The following NINL variants were observed in gnomAD, a reference collection of about 807,000 sequenced individuals.
NINL encodes the protein ninein like, also known as ninein-like protein.
Under a neutral mutation model 160.3 loss-of-function variants are expected in NINL, and 153 were observed. That is an observed-to-expected ratio of 0.95 (90% confidence interval 0.84 to 1.09). The LOEUF is 1.09. Ranked by LOEUF, NINL falls within the 50% of genes least tolerant of loss-of-function variation. The probability of loss-of-function intolerance (pLI) is 0.00; values close to 1 mark genes in which losing one functional copy is unlikely to be tolerated. For synonymous variants in NINL, 800 were observed against 734.8 expected, an observed-to-expected ratio of 1.09 and a Z score of -1.43; for missense variants, 1,829 against 1,764.0, an observed-to-expected ratio of 1.04 and a Z score of -0.66.
At chr20:25,500,636 T>A (rs1221440128) in intron 8 of NINL, among the ~76,000 whole-genome samples, 9 of 152,238 alleles carry the variant, frequency 5.9e-5, no homozygotes, top group South Asian at 4.1e-4. Flanking sequence ...TTATTTCTTA[T>A]CTTTTTAAAT....
chr20:25,502,841 C>T (rs965399425), intron 7 of NINL, among the ~76,000 whole-genome samples: 1 of 152,194 alleles, frequency 6.6e-6, no homozygotes, highest in Non-Finnish European at 1.5e-5. Context: ...CCAGAAGCAG[C>T]CGAGCAGACA....
intron 1 of NINL, chr20:25,540,064 C>A (rs970872515): frequency 1.3e-5 from 17 of 1,286,178 alleles, no homozygotes; most frequent in Non-Finnish European, 1.7e-5. Flanking sequence ...TTCATGCAAA[C>A]TGAATTATTA....
intron 1 of NINL, among the ~76,000 whole-genome samples, chr20:25,546,641 C>T (rs6050675): frequency 6.6e-6 from 1 of 152,032 alleles, no homozygotes; most frequent in Admixed American, 6.6e-5. Flanking sequence ...AAAATCAGTA[C>T]TGAAACAACC....
intron 19 of NINL, among the ~76,000 whole-genome samples, chr20:25,465,579 T>A (rs1003493200): frequency 1.3e-5 from 2 of 151,152 alleles, no homozygotes; most frequent in African/African-American, 4.9e-5. Flanking sequence ...GCAGAAGGGG[T>A]CCCCGACGAC....
In NINL at chr20:25,476,461, G is replaced by C; in HGVS notation, c.2830C>G (p.Leu944Val). 2 of 1,607,578 alleles carry C rather than the reference G, an allele frequency of 1.2e-6. No individual in the cohort carries two copies. The highest frequency in any genetic ancestry group is 1.7e-6 in the Non-Finnish European group (2 of 1,179,868). The change falls in exon 17 of 24, where the codon CTG becomes GTG. Residue 944 changes from leucine (L) to valine (V), a missense_variant. By Grantham distance (32) the Leu-to-Val change is conservative. Coordinates refer to ENST00000278886, the MANE Select transcript of NINL (RefSeq NM_025176.6). ...EQPGARELPL[L>V]GTERDASQTQ... Reference sequence around the variant, plus strand: ...TGCGAGGCGTCTCTCTCTGTTCCCAGCAGAGGCAGCTCCCGGGCTCCAGGC... The same window carrying C: ...TGCGAGGCGTCTCTCTCTGTTCCCACCAGAGGCAGCTCCCGGGCTCCAGGC...
rs144205809 is a variant in NINL at position 25,489,939 on chromosome 20, A to C, written c.1532T>G (p.Leu511Arg). 8.1e-5 allele frequency: 130 copies of C among 1,614,034 alleles called. No individual in the cohort carries two copies. Among genetic ancestry groups the C allele is most frequent in the Non-Finnish European group, 1.0e-4 (121 of 1,180,028 alleles). Reference sequence around the variant, plus strand: ...CAGGGCCAGCCTCTCCGAATCCGAAAGCTTTTCCACCACTTCCACAATCTC... The same window carrying C: ...CAGGGCCAGCCTCTCCGAATCCGAACGCTTTTCCACCACTTCCACAATCTC... The part of the protein sequence containing the change: ...QKEIVEVVEK[L>R]SDSERLALKL... Residue 511 changes from leucine to arginine, a missense_variant, in exon 12 of 24, where the codon CTT (leucine) becomes CGT (arginine). Transcript: ENST00000278886.
At chr20:25,459,895 G>A (rs927916755) in intron 21 of NINL, among the ~76,000 whole-genome samples, 3 of 152,154 alleles carry the variant, frequency 2.0e-5, no homozygotes, top group African/African-American at 4.8e-5. Flanking sequence ...AGGGAAAGAC[G>A]TCCCCAGGGG....
At chr20:25,570,071 T>C (rs1005471143) in intron 1 of NINL, among the ~76,000 whole-genome samples, 2 of 150,764 alleles carry the variant, frequency 1.3e-5, no homozygotes, top group African/African-American at 2.4e-5. Context: ...TCCCAGCTAC[T>C]TGGGAGGCTG....
intron 13 of NINL, among the ~76,000 whole-genome samples, chr20:25,483,349 G>T (rs551209411): frequency 1.4e-5 from 2 of 147,962 alleles, no homozygotes; most frequent in South Asian, 4.3e-4. Context: ...AAAAAAAAAA[G>T]AAAAGAAAAG....
At chr20:25,541,149 G>A (rs182857475) in intron 1 of NINL, among the ~76,000 whole-genome samples, 129 of 152,234 alleles carry the variant, frequency 8.5e-4, no homozygotes, top group African/African-American at 3.0e-3. Context: ...ACCTATCAAC[G>A]CCAGACTCTG....
Position 25,544,155 on chromosome 20 carries a change from A to G in NINL, c.-11-17557T>C, listed in dbSNP as rs546949458. Reference sequence around the variant, plus strand: ...CCCACACTCACCTAGCCTCACTCACACATATTCTCACTTCTGTTCACTGCC... The same window carrying G: ...CCCACACTCACCTAGCCTCACTCACGCATATTCTCACTTCTGTTCACTGCC... On this transcript the variant is annotated intron_variant, in intron 1 of 23. Coordinates refer to ENST00000278886, the MANE Select transcript of NINL (RefSeq NM_025176.6). Among the ~76,000 whole-genome samples the G allele has an allele frequency of 1.3e-4, 19 of 143,964 alleles. No individual in the cohort carries two copies. In the Middle Eastern group the frequency reaches 0.011, roughly 80 times the overall value. The allele number at this position is 143,964 out of a possible 152,430, so 94.4% of individuals were successfully genotyped here. A position where few individuals can be genotyped will look rare whatever the true frequency, so the allele number is the denominator to read the frequency against.
chr20:25,490,669 C>T (rs897235118), intron 11 of NINL, among the ~76,000 whole-genome samples: 1 of 151,898 alleles, frequency 6.6e-6, no homozygotes, highest in African/African-American at 2.4e-5. Context: ...GATCAGATAT[C>T]GTACCAGGAC....
At chr20:25,517,640 G>A in intron 3 of NINL, 113 bp downstream of exon 3, 1 of 774,024 alleles carries the variant, frequency 1.3e-6, no homozygotes, top group Non-Finnish European at 2.1e-6. Flanking sequence ...GGGGGTGACA[G>A]AAAGTAAGGT....
chr20:25,584,592 C>T (rs371646504), intron 1 of NINL, among the ~76,000 whole-genome samples: 3 of 152,336 alleles, frequency 2.0e-5, no homozygotes, highest in African/African-American at 7.2e-5. Context: ...TACTCATGAC[C>T]CCTCTTACTA....
intron 1 of NINL, among the ~76,000 whole-genome samples, chr20:25,577,849 T>C (rs916964881): frequency 1.6e-4 from 17 of 109,458 alleles, no homozygotes; most frequent in Non-Finnish European, 3.1e-4. Flanking sequence ...TTTTTTTTTT[T>C]GAGATGGAGT....
intron 9 of NINL, among the ~76,000 whole-genome samples, chr20:25,497,971 G>T (rs116679575): frequency 6.6e-6 from 1 of 152,206 alleles, no homozygotes; most frequent in Non-Finnish European, 1.5e-5. Flanking sequence ...CCAGAAACAC[G>T]GATGAGCGGC....
At chr20:25,554,354 T>C (rs771454442) in intron 1 of NINL, among the ~76,000 whole-genome samples, 2 of 152,104 alleles carry the variant, frequency 1.3e-5, no homozygotes, top group Non-Finnish European at 2.9e-5. Context: ...GACATAGCCC[T>C]GGGTGACTTC....
intron 13 of NINL, among the ~76,000 whole-genome samples, chr20:25,484,557 C>T (rs1378321681): frequency 6.6e-6 from 1 of 152,208 alleles, no homozygotes; most frequent in Non-Finnish European, 1.5e-5. Flanking sequence ...CTCTCACTTG[C>T]CAAATCTTGC....
At chr20:25,454,097 A>G (rs1438528755) in intron 23 of NINL, among the ~76,000 whole-genome samples, 1 of 152,044 alleles carries the variant, frequency 6.6e-6, no homozygotes, top group African/African-American at 2.4e-5. Flanking sequence ...GATTATAATG[A>G]CAAGTTTTGT....
Sources: gnomAD v4.1 joint callset for allele counts (sites outside exome capture counted in the v4.1 genomes callset) on GRCh38, gnomAD v4.1.1 for gene constraint, MANE v1.5 for transcripts, NCBI Gene and HGNC (gene_info 2026-07-23, HGNC 2026-07-21) for gene names.